CFAP61: variants seen among roughly 807,000 people sequenced by gnomAD.
CFAP61 encodes the protein cilia- and flagella-associated protein 61.
A neutral mutation model predicts 135.6 loss-of-function variants in CFAP61; 107 were observed. That is an observed-to-expected ratio of 0.79 (90% confidence interval 0.67 to 0.93). CFAP61 has a LOEUF of 0.93. Ranked by LOEUF, CFAP61 falls within the 40% of genes least tolerant of loss-of-function variation. The pLI, the probability that CFAP61 is intolerant of heterozygous loss-of-function variation, is 0.00. For missense variants in CFAP61, 1,507 were observed against 1,556.2 expected (o/e 0.97, Z 0.53); for synonymous variants, 575 against 578.5 (o/e 0.99, Z 0.09).
intron 1 of CFAP61, among the ~76,000 whole-genome samples, chr20:20,054,909 A>G (rs889923439): frequency 2.0e-5 from 3 of 152,174 alleles, no homozygotes; most frequent in African/African-American, 7.2e-5. Flanking sequence ...GCTAAAAGTA[A>G]TTAGCCATTA....
intron 13 of CFAP61, among the ~76,000 whole-genome samples, chr20:20,187,206 A>G (rs908773809): frequency 2.0e-5 from 3 of 152,136 alleles, no homozygotes; most frequent in African/African-American, 7.2e-5. Flanking sequence ...TTGTCCAGGA[A>G]CCCCACTGGG....
chr20:20,176,919 A>G (rs1246695015), intron 13 of CFAP61, among the ~76,000 whole-genome samples: 1 of 152,202 alleles, frequency 6.6e-6, no homozygotes, highest in Non-Finnish European at 1.5e-5. Context: ...TCTTCCAAAT[A>G]CAGATTTTCT....
At chr20:20,323,022 A>T (rs768157192) in intron 25 of CFAP61, 19 of 985,446 alleles carry the variant, frequency 1.9e-5, no homozygotes, top group Non-Finnish European at 2.3e-5. Context: ...CTTCATGATG[A>T]GATTATGCAG....
intron 18 of CFAP61, among the ~76,000 whole-genome samples, chr20:20,235,011 C>T (rs566452937): frequency 6.6e-6 from 1 of 152,126 alleles, no homozygotes; most frequent in African/African-American, 2.4e-5. Context: ...TCTAGATCCC[C>T]ATGGAAGCCT....
intron 17 of CFAP61, among the ~76,000 whole-genome samples, chr20:20,208,054 A>G (rs887732284): frequency 2.0e-5 from 3 of 152,188 alleles, no homozygotes; most frequent in Admixed American, 6.5e-5. Flanking sequence ...CCGGCCCTGC[A>G]TTACATCCTG....
intron 8 of CFAP61, among the ~76,000 whole-genome samples, chr20:20,106,000 C>CTATACATATA (rs1277233037): frequency 0.012 from 1,202 of 102,276 alleles, 151 homozygotes; most frequent in East Asian, 0.067. Context: ...CTACTCTTGC[C>CTATACATATA]TATATATATA....
At chr20:20,276,987 G>T (rs919975391) in intron 21 of CFAP61, among the ~76,000 whole-genome samples, 179 bp from the exon 22 acceptor site, 2 of 152,174 alleles carry the variant, frequency 1.3e-5, no homozygotes, top group Non-Finnish European at 2.9e-5. Context: ...CTACTTTGTG[G>T]GATGTTTTGT....
rs147588182 is a variant in CFAP61, at chr20:20,123,116, G to A, written c.860-19741G>A. Among the ~76,000 whole-genome samples, 102 of 151,164 alleles carry A rather than the reference G, an allele frequency of 6.7e-4. 4 individuals are homozygous for A. Among genetic ancestry groups the A allele is most frequent in the Middle Eastern group, 3.4e-3 (1 of 294 alleles). On this transcript the variant is annotated intron_variant, in intron 8 of 26. Coordinates refer to ENST00000245957, the MANE Select transcript of CFAP61 (RefSeq NM_015585.4). ...CCTTAGCTCACTTTTTGATGGGATTGTTTGTTTTTTTTCTTACTGATTTGT... is the reference window on the plus strand; with the variant it reads ...CCTTAGCTCACTTTTTGATGGGATTATTTGTTTTTTTTCTTACTGATTTGT...
chr20:20,121,680 G>A (rs1461585392), intron 8 of CFAP61, among the ~76,000 whole-genome samples: 1 of 152,076 alleles, frequency 6.6e-6, no homozygotes, highest in Non-Finnish European at 1.5e-5. Flanking sequence ...TTTTAGTTGA[G>A]ATGGTGTTTC....
At chr20:20,298,083 C>T (rs1411865464) in intron 24 of CFAP61, 98 bp from the exon 25 acceptor site, 1 of 794,466 alleles carries the variant, frequency 1.3e-6, no homozygotes, top group Non-Finnish European at 2.1e-6. Context: ...TAAGATATAA[C>T]CTGTCTGTTA....
chr20:20,256,400 CCACA>C (rs35783358), intron 20 of CFAP61, among the ~76,000 whole-genome samples: 5,029 of 148,710 alleles, frequency 0.034, 108 homozygotes, highest in African/African-American at 0.06. Flanking sequence ...AAAATTTAGG[CCACA>C]CACACACACA....
At chr20:20,341,991 T>C in intron 26 of CFAP61, 70 bp downstream of exon 26, 2 of 1,090,360 alleles carry the variant, frequency 1.8e-6, no homozygotes, top group African/African-American at 1.6e-5. Flanking sequence ...GTTGATCATT[T>C]AGACTTTTCC....
At chr20:20,223,022 C>T (rs1234930245) in intron 17 of CFAP61, among the ~76,000 whole-genome samples, 1 of 152,132 alleles carries the variant, frequency 6.6e-6, no homozygotes, top group Non-Finnish European at 1.5e-5. Flanking sequence ...GACAGAGCTC[C>T]CTTTGAAGTG....
chr20:20,224,935 C>T (rs1342141982), intron 17 of CFAP61, among the ~76,000 whole-genome samples: 1 of 152,092 alleles, frequency 6.6e-6, no homozygotes, highest in Non-Finnish European at 1.5e-5. Flanking sequence ...TTTATTTTTA[C>T]TTTCTATGAA....
At chr20:20,297,862 G>T (rs2055760901) in intron 24 of CFAP61, among the ~76,000 whole-genome samples, 1 of 152,186 alleles carries the variant, frequency 6.6e-6, no homozygotes, top group Admixed American at 6.5e-5. Flanking sequence ...CACCTCAGAG[G>T]AGAGAATAAA....
intron 22 of CFAP61, among the ~76,000 whole-genome samples, chr20:20,283,218 G>T (rs1234975503): frequency 1.3e-5 from 2 of 151,850 alleles, no homozygotes; most frequent in African/African-American, 4.8e-5. Context: ...TCTTTTTGGG[G>T]GCTCTGTTAT....
At chr20:20,250,946 G>A (rs558865580) in intron 19 of CFAP61, among the ~76,000 whole-genome samples, 12 of 152,352 alleles carry the variant, frequency 7.9e-5, no homozygotes, top group Non-Finnish European at 1.2e-4. Context: ...GCTGGCGGTC[G>A]AAGTCTCCGT....
intron 8 of CFAP61, 151 bp downstream of exon 8, chr20:20,098,965 T>C: frequency 1.4e-6 from 1 of 699,156 alleles, no homozygotes; most frequent in South Asian, 2.1e-5. Flanking sequence ...GGTCACATCC[T>C]TGTGAAATAC....
intron 17 of CFAP61, among the ~76,000 whole-genome samples, chr20:20,212,123 T>G (rs1469947141): frequency 6.6e-6 from 1 of 152,194 alleles, no homozygotes; most frequent in Non-Finnish European, 1.5e-5. Context: ...CGTGTGTTGG[T>G]AGGACCGAGG....
Sources: allele counts gnomAD v4.1 joint callset (sites outside exome capture counted in the v4.1 genomes callset), GRCh38; gene constraint gnomAD v4.1.1; transcripts MANE v1.5; gene names NCBI Gene and HGNC (gene_info 2026-07-23, HGNC 2026-07-21).